VPS13D: variants seen among roughly 807,000 people sequenced by gnomAD.
VPS13D encodes intermembrane lipid transfer protein VPS13D.
Under a neutral mutation model 461.9 loss-of-function variants are expected in VPS13D, and 187 were observed. The observed-to-expected ratio is 0.40, with a 90% confidence interval of 0.36 to 0.46. VPS13D has a LOEUF of 0.46. Ranked by LOEUF, VPS13D falls within the 20% of genes least tolerant of loss-of-function variation. The probability of loss-of-function intolerance (pLI) is 0.60; values close to 1 mark genes in which losing one functional copy is unlikely to be tolerated. For synonymous variants in VPS13D, 1,951 were observed against 1,986.3 expected, an observed-to-expected ratio of 0.98 and a Z score of 0.47; for missense variants, 4,711 against 5,364.9, an observed-to-expected ratio of 0.88 and a Z score of 3.81.
At chr1:12,499,434 AT>A in intron 68 of VPS13D, 1 of 984,932 alleles carries the variant, frequency 1.0e-6, no homozygotes, top group Non-Finnish European at 1.2e-6. Context: ...ACTCACCTCT[AT>A]TCAAGTCGAA....
At chr1:12,392,825 G>A (rs997843837) in intron 60 of VPS13D, among the ~76,000 whole-genome samples, 1 of 152,186 alleles carries the variant, frequency 6.6e-6, no homozygotes, top group Non-Finnish European at 1.5e-5. Context: ...GATCTGCTGG[G>A]TCATATGGCC....
chr1:12,349,359 AAAG>A lies in VPS13D; in HGVS notation c.9417_9419del (p.Lys3139_Ser3140delinsAsn). On this transcript the variant is annotated inframe_deletion, in exon 46 of 70. Transcript: ENST00000620676. Reference sequence around the variant, plus strand: ...GAGTGCCACTCTATGGACACAGAAAAAAGCCGATTTTTCAGGTATGTAGCACCA... The same window carrying A: ...GAGTGCCACTCTATGGACACAGAAAACCGATTTTTCAGGTATGTAGCACCA... The A allele has an allele frequency of 6.2e-7, 1 of 1,614,202 alleles. No homozygotes were observed. Among genetic ancestry groups the A allele is most frequent in the Non-Finnish European group, 8.5e-7 (1 of 1,180,040 alleles).
In VPS13D at chr1:12,358,506, G is replaced by T. The variant is rs1643907193; in HGVS notation, c.10046G>T (p.Gly3349Val). Residue 3349 changes from glycine to valine, a missense_variant, in exon 50 of 70, where the codon GGC becomes GTC. Gly to Val is a moderately radical substitution (Grantham distance 109). Around this residue, in one of 3 missense-constraint regions of VPS13D, gnomAD observed 4,411 missense variants for 4,937.8 expected, o/e 0.89. Transcript: ENST00000620676. ...GRGIHPEGMP[G>V]WCQGFSLDGG... ...GGGATTCATCCAGAAGGCATGCCGG[G>T]CTGGTGTCAGGGCTTCTCCCTGGAT... The T allele has an allele frequency of 6.2e-7, 1 of 1,614,090 alleles. No homozygotes were observed. The highest frequency in any genetic ancestry group is 8.5e-7 in the Non-Finnish European group (1 of 1,180,044).
chr1:12,381,916 CTTTTCTTTT>C (rs1450950244), intron 57 of VPS13D, among the ~76,000 whole-genome samples: 1 of 92,914 alleles, frequency 1.1e-5, no homozygotes, highest in Admixed American at 1.2e-4. Context: ...CTTTTTCTTT[CTTTTCTTTT>C]CTTTCTTTCT....
At chr1:12,254,435 C>A (rs1385964051) in intron 7 of VPS13D, among the ~76,000 whole-genome samples, 1 of 150,280 alleles carries the variant, frequency 6.7e-6, no homozygotes. Context: ...CCTTTGGTGG[C>A]ATTCCCTTAA....
Position 12,276,379 on chromosome 1 carries a change from G to C in VPS13D, c.2791G>C (p.Val931Leu). ...GCAGCGGGGAAGTTTGCAAGACTCC[G>C]TAATGAATTTAACCCAGAGCATTGT... The part of the protein sequence containing the change: ...EEQRGSLQDS[V>L]MNLTQSIVLL... Residue 931 changes from valine to leucine, a missense_variant, in exon 19 of 70, where the codon GTA becomes CTA. Val to Leu is a conservative substitution (Grantham distance 32). This residue lies in a region of VPS13D where 4,411 missense variants were observed against 4,937.8 expected (regional missense o/e 0.89). Coordinates refer to ENST00000620676, the MANE Select transcript of VPS13D (RefSeq NM_015378.4). The surrounding 1 kb of genome is among the most constrained non-coding windows in gnomAD (Gnocchi z 4.5). The C allele has an allele frequency of 1.2e-6, 2 of 1,614,150 alleles. No homozygotes were observed. The highest frequency in any genetic ancestry group is 1.7e-6 in the Non-Finnish European group (2 of 1,180,016).
rs543813334 is a variant in VPS13D at position 12,490,327 on chromosome 1, A to T, written c.12663-7173A>T. Reference sequence around the variant, plus strand: ...TCCAAAATCCAAATTGTCCCAACCTACGGATTGAATACTATCTTTGAGTGG... The same window carrying T: ...TCCAAAATCCAAATTGTCCCAACCTTCGGATTGAATACTATCTTTGAGTGG... On this transcript the variant is annotated intron_variant, in intron 67 of 69. Coordinates refer to ENST00000620676, the MANE Select transcript of VPS13D (RefSeq NM_015378.4). Among the ~76,000 whole-genome samples, 218 of 152,294 alleles carry T rather than the reference A, an allele frequency of 1.4e-3. 2 individuals carry two copies. Among genetic ancestry groups the T allele is most frequent in the African/African-American group, 5.1e-3 (213 of 41,570 alleles).
intron 39 of VPS13D, chr1:12,336,621 T>C (rs1643457168): frequency 6.6e-6 from 1 of 152,226 alleles, no homozygotes; most frequent in Non-Finnish European, 1.5e-5. Context: ...TGGGTGTTCT[T>C]AGTGTGTGAA....
chr1:12,383,109 T>G lies in VPS13D; in HGVS notation c.11324T>G (p.Met3775Arg). The stretch of plus-strand genomic sequence containing the variant: ...CAAAAAATGAGACCTGGTTCTGGAA[T>G]GTTATCCATCAGAGTCATCCCAGAT... ...INQKMRPGSGMLSIRVIPDGP... is the reference protein window; with the variant it reads ...INQKMRPGSGRLSIRVIPDGP... The change falls in exon 58 of 70, where the codon ATG (methionine) becomes AGG (arginine). Residue 3775 changes from methionine (M) to arginine (R), a missense_variant. Physicochemically the swap from Met to Arg is moderately conservative, Grantham distance 91 (BLOSUM62 -1). Coordinates refer to ENST00000620676, the MANE Select transcript of VPS13D (RefSeq NM_015378.4). 5.0e-6 allele frequency: 8 copies of G among 1,614,222 alleles called. No homozygotes were observed. Among genetic ancestry groups the G allele is most frequent in the Non-Finnish European group, 5.9e-6 (7 of 1,180,032 alleles).
At chr1:12,273,211 T>C (rs1641506614) in intron 18 of VPS13D, 76 bp downstream of exon 18, 6 of 1,491,832 alleles carry the variant, frequency 4.0e-6, no homozygotes, top group Non-Finnish European at 5.4e-6. Flanking sequence ...TAAGTAAAGC[T>C]TAATAAAATG....
At chr1:12,314,850 T>C (rs1207845787) in intron 30 of VPS13D, among the ~76,000 whole-genome samples, 1 of 152,268 alleles carries the variant, frequency 6.6e-6, no homozygotes, top group African/African-American at 2.4e-5. Flanking sequence ...ATCAGACAGA[T>C]CTGGGCTGAA....
chr1:12,269,734 C>T (rs1641379021), intron 16 of VPS13D, among the ~76,000 whole-genome samples: 1 of 152,140 alleles, frequency 6.6e-6, no homozygotes, highest in East Asian at 1.9e-4. Flanking sequence ...TAGTATTTTC[C>T]TAAATGTCCC....
chr1:12,234,466 T>G, intron 2 of VPS13D, 103 bp downstream of exon 2: 1 of 882,138 alleles, frequency 1.1e-6, no homozygotes, highest in Non-Finnish European at 1.8e-6. Context: ...CCAGATGGCT[T>G]TGTACTAAAT....
intron 60 of VPS13D, among the ~76,000 whole-genome samples, chr1:12,390,018 G>C (rs1644403034): frequency 6.6e-6 from 1 of 152,226 alleles, no homozygotes. Context: ...CCTAAAGTTA[G>C]GCGGAGCCCA....
intron 65 of VPS13D, among the ~76,000 whole-genome samples, chr1:12,417,682 G>T (rs1456899106): frequency 6.6e-6 from 1 of 152,202 alleles, no homozygotes; most frequent in Non-Finnish European, 1.5e-5. Flanking sequence ...GCACCGCGTA[G>T]AAATGTATCT....
intron 3 of VPS13D, among the ~76,000 whole-genome samples, 161 bp downstream of exon 3, chr1:12,242,751 G>C (rs748019970): frequency 1.3e-5 from 2 of 152,112 alleles, no homozygotes; most frequent in Admixed American, 1.3e-4. Context: ...TGGGCCACTC[G>C]TATCAGGATG....
intron 15 of VPS13D, 58 bp downstream of exon 15, chr1:12,267,978 T>G (rs1557674850): frequency 6.9e-7 from 1 of 1,455,016 alleles, no homozygotes; most frequent in Non-Finnish European, 9.4e-7. Context: ...TAATTTTTCT[T>G]TGAGACAGGG....
At chr1:12,261,351 G>A (rs1301694245) in intron 12 of VPS13D, among the ~76,000 whole-genome samples, 1 of 152,214 alleles carries the variant, frequency 6.6e-6, no homozygotes, top group South Asian at 2.1e-4. Context: ...GTTTCAGAAA[G>A]AGCTGAGAGG....
chr1:12,418,961 C>T (rs1644829163), intron 65 of VPS13D, among the ~76,000 whole-genome samples: 1 of 152,168 alleles, frequency 6.6e-6, no homozygotes, highest in Admixed American at 6.5e-5. Flanking sequence ...CCAGGGTCTC[C>T]TGGCAACATC....
Sources: gnomAD v4.1 joint callset for allele counts (sites outside exome capture counted in the v4.1 genomes callset) on GRCh38, gnomAD v4.1.1 for gene constraint, gnomAD v4.1.1 regional missense constraint, Gnocchi (gnomAD v3.1) non-coding constraint, MANE v1.5 for transcripts, NCBI Gene and HGNC (gene_info 2026-07-23, HGNC 2026-07-21) for gene names.